ABCC10: variants seen among roughly 807,000 people sequenced by gnomAD.
ABCC10 encodes the protein ATP-binding cassette sub-family C member 10.
A neutral mutation model predicts 143.2 loss-of-function variants in ABCC10; 110 were observed. That is an observed-to-expected ratio of 0.77 (90% confidence interval 0.66 to 0.90). The LOEUF (loss-of-function observed/expected upper bound fraction) is 0.90. ABCC10 is among the 40% of genes least tolerant of loss of function. ABCC10 has a pLI of 0.00. For synonymous variants in ABCC10, 805 were observed against 846.7 expected, an observed-to-expected ratio of 0.95 and a Z score of 0.85; for missense variants, 1,700 against 1,900.5, an observed-to-expected ratio of 0.89 and a Z score of 1.96.
chr6:43,439,844 G>C (rs578060745), intron 8 of ABCC10, among the ~76,000 whole-genome samples: 11 of 151,462 alleles, frequency 7.3e-5, no homozygotes, highest in Non-Finnish European at 1.3e-4. Flanking sequence ...GGCCTCCCAA[G>C]GTGCTGGGAT....
At chr6:43,445,388 T>C in intron 14 of ABCC10, 74 bp downstream of exon 14, 1 of 1,503,346 alleles carries the variant, frequency 6.7e-7, no homozygotes, top group Non-Finnish European at 9.0e-7. Flanking sequence ...ATACTCGGGC[T>C]CCACTGGGGA....
chr6:43,451,106 G>A, downstream of ABCC10: 3 of 1,614,232 alleles, frequency 1.9e-6, no homozygotes, highest in Non-Finnish European at 8.5e-7. The surrounding 1 kb of genome is among the most constrained non-coding windows in gnomAD (Gnocchi z 4.4). Flanking sequence ...GGCAGGAGAA[G>A]CGGTTTATGC....
Position 43,432,541 on chromosome 6 carries a change from G to A in ABCC10, c.561G>A (p.Leu187=), listed in dbSNP as rs143911369. The A allele has an allele frequency of 1.9e-6, 3 of 1,612,816 alleles. No homozygotes were observed. The African/African-American group carries it at 4.0e-5, about 22-fold the overall frequency. Residue 187 remains leucine (L), a synonymous_variant, in exon 3 of 22, where the codon CTG becomes CTA. Transcript: ENST00000372530. ...TGGCTGCACTCTTGGCCTATGCACT[G>A]GGATGGGCAGCTCCTGGGGGACCAC... The part of the protein sequence containing the change: ...LQLAALLAYA[L]GWAAPGGPRE...
chr6:43,445,402 G>A (rs1782942875), intron 14 of ABCC10, 88 bp downstream of exon 14: 4 of 1,463,058 alleles, frequency 2.7e-6, no homozygotes, highest in Non-Finnish European at 3.7e-6. Flanking sequence ...CTGGGGATGG[G>A]AGAGTCTTTC....
chr6:43,438,090 C>T (rs150328619), intron 7 of ABCC10, 77 bp downstream of exon 7: 10 of 1,469,284 alleles, frequency 6.8e-6, no homozygotes, highest in Admixed American at 1.9e-5. Context: ...TGTTGGACAC[C>T]TTTTGGGGGT....
At chr6:43,451,902 G>A (rs766294294), downstream of ABCC10, 1 of 1,611,742 alleles carries the variant, frequency 6.2e-7, no homozygotes, top group Non-Finnish European at 8.5e-7. The surrounding 1 kb of genome is among the most constrained non-coding windows in gnomAD (Gnocchi z 4.4). Context: ...CCAGGTTCTG[G>A]TCTAACCTTC....
chr6:43,433,731 T>C (rs557361212), intron 3 of ABCC10, among the ~76,000 whole-genome samples: 1 of 152,316 alleles, frequency 6.6e-6, no homozygotes, highest in African/African-American at 2.4e-5. Context: ...AACAGGTCTT[T>C]AGGGCCAGAG....
intron 3 of ABCC10, 56 bp downstream of exon 3, chr6:43,433,416 C>T (rs1781348441): frequency 6.6e-7 from 1 of 1,521,038 alleles, no homozygotes; most frequent in Admixed American, 2.1e-5. Flanking sequence ...AGCCCAGGTC[C>T]CCAGGTCTTC....
At chr6:43,430,493 G>C (rs1368993342) in intron 2 of ABCC10, among the ~76,000 whole-genome samples, 4 of 151,960 alleles carry the variant, frequency 2.6e-5, no homozygotes, top group Admixed American at 2.6e-4. Context: ...TACTCGGGAG[G>C]CTGAGGCAGG....
At chr6:43,434,996 T>C (rs1781532963) in intron 4 of ABCC10, 148 bp downstream of exon 4, 2 of 779,048 alleles carry the variant, frequency 2.6e-6, no homozygotes. Context: ...GAAACCTTTT[T>C]GTGGGGGCCT....
chr6:43,428,287 A>G, intron 2 of ABCC10, 148 bp downstream of exon 2: 4 of 977,320 alleles, frequency 4.1e-6, no homozygotes, highest in Non-Finnish European at 5.8e-6. Flanking sequence ...ACTTAGCAGC[A>G]ATGTGGCTGT....
intron 18 of ABCC10, 134 bp from the exon 19 acceptor site, chr6:43,448,747 G>C: frequency 9.1e-7 from 1 of 1,101,372 alleles, no homozygotes; most frequent in South Asian, 1.6e-5. Context: ...GGATGGGGTG[G>C]GGAGCAGAGT....
In ABCC10 at chr6:43,444,960, T is replaced by C. The variant is rs781253761; in HGVS notation, c.2840+22T>C. 1.9e-6 allele frequency: 3 copies of C among 1,600,482 alleles called. No homozygotes were observed. In the East Asian group the frequency reaches 6.7e-5, roughly 36 times the overall value. On this transcript the variant is annotated intron_variant, in intron 13 of 21. Coordinates refer to ENST00000372530, the MANE Select transcript of ABCC10 (RefSeq NM_001198934.2). The stretch of plus-strand genomic sequence containing the variant: ...TCTAGTGAGTGGCTGGGGCTGGGGG[T>C]AGGCCTGGTGCTCTCAGAGTGGTCG...
rs780591615 is a variant in ABCC10, at chr6:43,445,286, A to G, written c.3002A>G (p.His1001Arg). ...ACCCTTCAAGCAGCTGCCACTCTGC[A>G]TCGCCGCCTGCTGCATCGAGTCCTT... is the stretch of plus-strand genomic sequence containing the variant. ...AGTLQAAATL[H>R]RRLLHRVLMA... The change falls in exon 14 of 22, where the codon CAT (histidine) becomes CGT (arginine). Residue 1001 changes from histidine (H) to arginine (R), a missense_variant. Coordinates refer to ENST00000372530, the MANE Select transcript of ABCC10 (RefSeq NM_001198934.2). The G allele has an allele frequency of 9.1e-5, 147 of 1,613,748 alleles. No individual in the cohort carries two copies. The highest frequency in any genetic ancestry group is 1.2e-4 in the Non-Finnish European group (144 of 1,179,922).
intron 2 of ABCC10, 62 bp downstream of exon 2, chr6:43,428,201 A>G (rs1581686798): frequency 1.7e-5 from 25 of 1,447,246 alleles, no homozygotes; most frequent in Admixed American, 7.1e-5. Context: ...CCCGCGGCCT[A>G]CATCTTCCGG....
At chr6:43,437,681 C>T (rs1172543775) in intron 6 of ABCC10, among the ~76,000 whole-genome samples, 1 of 152,148 alleles carries the variant, frequency 6.6e-6, no homozygotes, top group East Asian at 1.9e-4. Context: ...GCATGCTGCT[C>T]CCCTTCAGAG....
chr6:43,439,639 A>G (rs1307752570), intron 8 of ABCC10, among the ~76,000 whole-genome samples: 1 of 152,168 alleles, frequency 6.6e-6, no homozygotes, highest in Non-Finnish European at 1.5e-5. Context: ...GCTGGAGTGC[A>G]GTGGCACAAT....
In ABCC10 at chr6:43,434,613, T is replaced by C; in HGVS notation, c.1381-8T>C. Reference sequence around the variant, plus strand: ...ACTTCACGCCTCTCCCTTGTCTCCTTTCCCTAGCTTGTGACAGAGCTGCTG... The same window carrying C: ...ACTTCACGCCTCTCCCTTGTCTCCTCTCCCTAGCTTGTGACAGAGCTGCTG... On this transcript the variant is annotated splice_polypyrimidine_tract_variant and splice_region_variant and intron_variant, in intron 3 of 21. Coordinates refer to ENST00000372530, the MANE Select transcript of ABCC10 (RefSeq NM_001198934.2). 1 of 1,611,432 alleles carries C rather than the reference T, an allele frequency of 6.2e-7. No individual in the cohort carries two copies. The highest frequency in any genetic ancestry group is 1.1e-5 in the South Asian group (1 of 90,886).
In ABCC10 at chr6:43,427,583, C is replaced by G; in HGVS notation, c.-186C>G. Reference sequence around the variant, plus strand: ...AATAGCGCCGGCTAGGTCTTCCAACCTCTAGGTGGGGTGCCAGCCGGGGCG... The same window carrying G: ...AATAGCGCCGGCTAGGTCTTCCAACGTCTAGGTGGGGTGCCAGCCGGGGCG... On this transcript the variant is annotated 5_prime_UTR_variant, in exon 1 of 22. Coordinates refer to ENST00000372530, the MANE Select transcript of ABCC10 (RefSeq NM_001198934.2). 2 of 318,786 alleles carry G rather than the reference C, an allele frequency of 6.3e-6. No individual in the cohort carries two copies. Among genetic ancestry groups the G allele is most frequent in the Non-Finnish European group, 1.2e-5 (2 of 166,058 alleles). The allele number at this position is 318,786 out of a possible 1,614,324, so 19.7% of individuals were successfully genotyped here. A position where few individuals can be genotyped will look rare whatever the true frequency, so the allele number is the denominator to read the frequency against.
Sources: allele counts gnomAD v4.1 joint callset (sites outside exome capture counted in the v4.1 genomes callset), GRCh38; gene constraint gnomAD v4.1.1; non-coding constraint Gnocchi (gnomAD v3.1); transcripts MANE v1.5; gene names NCBI Gene and HGNC (gene_info 2026-07-23, HGNC 2026-07-21).